Variants in NLRC5 observed in about 807,000 individuals in gnomAD.
NLRC5 encodes the protein NLR family CARD domain containing 5.
A neutral mutation model predicts 206.9 loss-of-function variants in NLRC5; 114 were observed. The ratio of observed to expected loss-of-function variants is 0.55; its 90% CI spans 0.47 to 0.64. NLRC5 has a LOEUF of 0.64. NLRC5 is among the 30% of genes least tolerant of loss of function. NLRC5 has a pLI of 0.00. For missense variants in NLRC5, 2,008 were observed against 2,305.5 expected (o/e 0.87, Z 2.64); for synonymous variants, 952 against 962.8 (o/e 0.99, Z 0.21).
chr16:57,059,557 A>G, intron 30 of NLRC5, 25 bp downstream of exon 30: 8 of 1,589,218 alleles, frequency 5.0e-6, no homozygotes, highest in Non-Finnish European at 6.9e-6. Context: ...GTGATGGGAC[A>G]GGGGACAGAG....
chr16:56,998,288 T>G (rs188781932), intron 1 of NLRC5, among the ~76,000 whole-genome samples: 2 of 152,202 alleles, frequency 1.3e-5, no homozygotes, highest in African/African-American at 4.8e-5. Context: ...GTTAAACTTT[T>G]TATACATAAA....
chr16:57,070,433 G>C (rs1489327658), intron 37 of NLRC5, 102 bp from the exon 38 acceptor site: 16 of 975,866 alleles, frequency 1.6e-5, no homozygotes, highest in Non-Finnish European at 2.5e-5. Context: ...ATGCAGAGTT[G>C]GCCTCCCAGG....
intron 17 of NLRC5, 144 bp from the exon 18 acceptor site, chr16:57,041,341 C>T (rs158481): frequency 1.9e-5 from 12 of 629,610 alleles, no homozygotes; most frequent in Admixed American, 5.8e-5. Context: ...CCTCTTTGTC[C>T]GTCTGTCTAG....
chr16:57,001,338 C>T (rs2058223852), intron 1 of NLRC5, among the ~76,000 whole-genome samples: 1 of 152,214 alleles, frequency 6.6e-6, no homozygotes, highest in Non-Finnish European at 1.5e-5. Context: ...TTCTGATCTG[C>T]ACAGATGAGA....
In NLRC5 at chr16:57,078,036, C is replaced by T; in HGVS notation, c.5081+16C>T. 6.3e-7 allele frequency: 1 copy of T among 1,575,630 alleles called. No homozygotes were observed. On this transcript the variant is annotated intron_variant, in intron 43 of 48. Transcript: ENST00000688547. ...GGGTCCTACAGTGAGTGGCCCCCTG[C>T]CCATACCATGCAGGGCTGGTGGGGA... is the stretch of plus-strand genomic sequence containing the variant.
At chr16:57,048,853 G>A (rs1161155097) in intron 23 of NLRC5, among the ~76,000 whole-genome samples, 1 of 152,050 alleles carries the variant, frequency 6.6e-6, no homozygotes, top group African/African-American at 2.4e-5. Flanking sequence ...CCTATTAATG[G>A]CAATTCCTTA....
chr16:57,030,206 A>G, intron 10 of NLRC5, 122 bp downstream of exon 10: 1 of 765,132 alleles, frequency 1.3e-6, no homozygotes, highest in Non-Finnish European at 2.2e-6. Context: ...CTACTGTTTT[A>G]CTCACAGCTT....
intron 7 of NLRC5, 41 bp from the exon 8 acceptor site, chr16:57,028,261 C>T (rs1226440745): frequency 1.9e-6 from 3 of 1,598,164 alleles, no homozygotes; most frequent in Non-Finnish European, 2.6e-6. Flanking sequence ...CCGCCCTTTT[C>T]CCCTCCTCGT....
At chr16:57,025,262 T>TAC in intron 5 of NLRC5, 106 bp from the exon 6 acceptor site, 1 of 1,473,738 alleles carries the variant, frequency 6.8e-7, no homozygotes, top group Non-Finnish European at 8.9e-7. Context: ...CCATCATACA[T>TAC]ACACATCTGG....
intron 27 of NLRC5, among the ~76,000 whole-genome samples, chr16:57,057,341 T>C (rs1255091281): frequency 1.3e-5 from 2 of 152,238 alleles, no homozygotes; most frequent in South Asian, 2.1e-4. Context: ...GGAGAATCTC[T>C]TGAACCTGGG....
intron 1 of NLRC5, among the ~76,000 whole-genome samples, chr16:57,014,370 C>T (rs906384589): frequency 6.6e-6 from 1 of 152,044 alleles, no homozygotes; most frequent in Non-Finnish European, 1.5e-5. Flanking sequence ...ATGATGGTCA[C>T]CTTGTTATAT....
At chr16:56,995,915 G>A (rs2057545078) in intron 1 of NLRC5, among the ~76,000 whole-genome samples, 1 of 152,176 alleles carries the variant, frequency 6.6e-6, no homozygotes, top group African/African-American at 2.4e-5. Flanking sequence ...GAGGATTTTA[G>A]GAGGTATGTG....
intron 32 of NLRC5, 176 bp downstream of exon 32, chr16:57,061,877 C>CA: frequency 2.0e-6 from 3 of 1,535,106 alleles, no homozygotes; most frequent in Non-Finnish European, 2.6e-6. Flanking sequence ...ACAAGGCACA[C>CA]AGAGAAACTG....
chr16:57,056,013 C>T (rs772406746), intron 27 of NLRC5, among the ~76,000 whole-genome samples: 8 of 152,194 alleles, frequency 5.3e-5, no homozygotes, highest in African/African-American at 1.4e-4. Flanking sequence ...AGCACTTTCT[C>T]CACTGTTCTA....
intron 11 of NLRC5, among the ~76,000 whole-genome samples, chr16:57,031,827 G>A (rs1179327044): frequency 6.6e-6 from 1 of 150,678 alleles, no homozygotes; most frequent in East Asian, 1.9e-4. Context: ...ACATCTTAGG[G>A]TTGTTCTGAG....
Position 57,027,149 on chromosome 16 carries a change from G to A in NLRC5, c.2075+131G>A. 10 of 1,105,674 alleles carry A rather than the reference G, an allele frequency of 9.0e-6. No individual in the cohort carries two copies. In the South Asian group the frequency reaches 1.6e-4, roughly 18 times the overall value. 68.5% of individuals were successfully genotyped at this position (1,105,674 alleles called of 1,614,324 possible). ...ATATCAGAACATAATGGCCTGCAAT[G>A]CAAGAGAGGAAGCTCCATACCTTGA... On this transcript the variant is annotated intron_variant, in intron 6 of 48. Transcript: ENST00000688547.
At chr16:56,991,069 T>C (rs2056767496) in intron 1 of NLRC5, 1 of 152,130 alleles carries the variant, frequency 6.6e-6, no homozygotes, top group South Asian at 2.1e-4. Context: ...AAAATGAACA[T>C]ATGCAAATCT....
intron 30 of NLRC5, among the ~76,000 whole-genome samples, chr16:57,060,176 C>T (rs2066259386): frequency 6.6e-6 from 1 of 151,824 alleles, no homozygotes; most frequent in South Asian, 2.1e-4. Context: ...GGCCTCCTCC[C>T]CTCCATTCAC....
intron 10 of NLRC5, 23 bp from the exon 11 acceptor site, chr16:57,031,381 T>C (rs1567566559): frequency 6.2e-7 from 1 of 1,613,716 alleles, no homozygotes; most frequent in Non-Finnish European, 8.5e-7. Context: ...CTGGGTTTCA[T>C]GGCTTGGTAT....
Sources: allele counts gnomAD v4.1 joint callset (sites outside exome capture counted in the v4.1 genomes callset), GRCh38; gene constraint gnomAD v4.1.1; transcripts MANE v1.5; gene names NCBI Gene and HGNC (gene_info 2026-07-23, HGNC 2026-07-21).